ANKRD13C: variants seen among roughly 807,000 people sequenced by gnomAD.
ANKRD13C encodes ankyrin repeat domain-containing protein 13C.
In ANKRD13C, 16 loss-of-function variants were observed where a neutral mutation model predicts 65.5. The ratio of observed to expected loss-of-function variants is 0.24; its 90% CI spans 0.17 to 0.37. ANKRD13C has a LOEUF of 0.37. Ranked by LOEUF, ANKRD13C falls within the 10% of genes least tolerant of loss-of-function variation. ANKRD13C has a pLI of 1.00. For missense variants in ANKRD13C, 503 were observed against 655.9 expected, an observed-to-expected ratio of 0.77 and a Z score of 2.55; for synonymous variants, 235 against 238.7, an observed-to-expected ratio of 0.98 and a Z score of 0.14.
rs78530747 is a variant in ANKRD13C at position 70,260,125 on chromosome 1, T to A, written c.*2592A>T. Among the ~76,000 whole-genome samples, 58 of 152,262 alleles carry A rather than the reference T, an allele frequency of 3.8e-4. 1 individual carries two copies. Among genetic ancestry groups the A allele is most frequent in the East Asian group, 1.9e-3 (10 of 5,182 alleles). On this transcript the variant is annotated 3_prime_UTR_variant, in exon 13 of 13. Transcript: ENST00000370944. Reference sequence around the variant, plus strand: ...CCAGTTCTGAGCAGAAGGAAACAGTTTTTCATCTACTAACATGTATCAGCA... The same window carrying A: ...CCAGTTCTGAGCAGAAGGAAACAGTATTTCATCTACTAACATGTATCAGCA...
chr1:70,264,987 T>A (rs1678550034), intron 12 of ANKRD13C, among the ~76,000 whole-genome samples: 1 of 152,062 alleles, frequency 6.6e-6, no homozygotes, highest in Non-Finnish European at 1.5e-5. Context: ...AAAGGAAGTA[T>A]CTGGTTTAAT....
At chr1:70,321,740 CT>C (rs1681317930) in intron 3 of ANKRD13C, among the ~76,000 whole-genome samples, 1 of 152,178 alleles carries the variant, frequency 6.6e-6, no homozygotes, top group South Asian at 2.1e-4. Flanking sequence ...CAGGTAACCA[CT>C]GTAAGGCAGA....
intron 9 of ANKRD13C, among the ~76,000 whole-genome samples, chr1:70,285,692 G>C (rs1160704538): frequency 2.7e-5 from 4 of 147,714 alleles, no homozygotes; most frequent in African/African-American, 1.0e-4. Context: ...GTAGGGTGGA[G>C]TGATCTCAGC....
In ANKRD13C at chr1:70,262,563, A is replaced by G. The variant is rs535296489; in HGVS notation, c.*154T>C. On this transcript the variant is annotated 3_prime_UTR_variant, in exon 13 of 13. Transcript: ENST00000370944. Reference sequence around the variant, plus strand: ...CAGAAAACTCGCTGAAATTCTTATTAGAGGCCCATTTCACTGTATCGTATT... The same window carrying G: ...CAGAAAACTCGCTGAAATTCTTATTGGAGGCCCATTTCACTGTATCGTATT... 8 of 752,838 alleles carry G rather than the reference A, an allele frequency of 1.1e-5. No individual in the cohort carries two copies. The African/African-American group carries it at 1.2e-4, about 12-fold the overall frequency. The allele number at this position is 752,838 out of a possible 1,614,324, so 46.6% of individuals were successfully genotyped here.
chr1:70,296,342 T>C, intron 7 of ANKRD13C, 81 bp from the exon 8 acceptor site: 1 of 1,364,138 alleles, frequency 7.3e-7, no homozygotes, highest in Non-Finnish European at 1.0e-6. Flanking sequence ...TATCAACAAT[T>C]ATAATGGTAC....
In ANKRD13C at chr1:70,300,757, T is replaced by C; in HGVS notation, c.921+7A>G. The C allele has an allele frequency of 1.9e-6, 3 of 1,590,286 alleles. No homozygotes were observed. Among genetic ancestry groups the C allele is most frequent in the Non-Finnish European group, 2.6e-6 (3 of 1,170,450 alleles). On this transcript the variant is annotated splice_region_variant and intron_variant, in intron 7 of 12. Transcript: ENST00000370944. The stretch of plus-strand genomic sequence containing the variant: ...TTAAAGGAATATTGATAAGACAACA[T>C]GCTCACCTCATGATGTATTCGCTGA...
At chr1:70,325,660 C>T (rs560954206) in intron 2 of ANKRD13C, among the ~76,000 whole-genome samples, 3 of 152,036 alleles carry the variant, frequency 2.0e-5, no homozygotes, top group Admixed American at 1.3e-4. Flanking sequence ...GGGCAGATCA[C>T]GAGGTCAGGA....
chr1:70,292,435 T>A lies in ANKRD13C; in HGVS notation c.1168A>T (p.Met390Leu), dbSNP rs140718555. The A allele has an allele frequency of 6.2e-6, 10 of 1,607,242 alleles. No individual in the cohort carries two copies. The highest frequency in any genetic ancestry group is 8.5e-6 in the Non-Finnish European group (10 of 1,178,346). ...TTTCCACCTTTACTCAAACTCTCCA[T>A]GATGGCCTTATTTCGAAGAATATCC... Reference protein sequence around the residue: ...EEDILRNKAIMESLSKGGNIM... With the variant: ...EEDILRNKAILESLSKGGNIM... Residue 390 changes from methionine to leucine, a missense_variant, in exon 9 of 13, where the codon ATG becomes TTG. Transcript: ENST00000370944.
At chr1:70,353,941 G>A (rs1461617135) in intron 1 of ANKRD13C, 38 bp downstream of exon 1, 2 of 1,481,712 alleles carry the variant, frequency 1.3e-6, no homozygotes, top group East Asian at 2.4e-5. Context: ...CCTAGGCTCG[G>A]GGAAGGAGAG....
chr1:70,291,462 G>A (rs933545385), intron 9 of ANKRD13C, among the ~76,000 whole-genome samples: 1 of 152,198 alleles, frequency 6.6e-6, no homozygotes, highest in Non-Finnish European at 1.5e-5. Context: ...GATTTGAGGA[G>A]CAGTTACCAT....
intron 8 of ANKRD13C, among the ~76,000 whole-genome samples, chr1:70,293,791 T>C (rs1572070689): frequency 6.6e-6 from 1 of 152,228 alleles, no homozygotes; most frequent in African/African-American, 2.4e-5. Context: ...AACCAGGTGG[T>C]AATTATCAGT....
chr1:70,346,703 T>C (rs999929146), intron 1 of ANKRD13C, among the ~76,000 whole-genome samples: 1 of 152,176 alleles, frequency 6.6e-6, no homozygotes, highest in African/African-American at 2.4e-5. Context: ...TTCTATCAGC[T>C]CTATCTTCTT....
At chr1:70,278,461 C>G (rs1679240788) in intron 9 of ANKRD13C, among the ~76,000 whole-genome samples, 1 of 151,892 alleles carries the variant, frequency 6.6e-6, no homozygotes, top group African/African-American at 2.4e-5. Flanking sequence ...CCACTGCACT[C>G]CATGACCCAA....
intron 9 of ANKRD13C, among the ~76,000 whole-genome samples, chr1:70,290,379 T>A (rs976633505): frequency 1.3e-5 from 2 of 152,334 alleles, no homozygotes; most frequent in East Asian, 3.9e-4. Context: ...CTTTGTAGTA[T>A]GTAGTAGCCT....
At chr1:70,274,187 T>C (rs903853225) in intron 11 of ANKRD13C, among the ~76,000 whole-genome samples, 9 of 151,680 alleles carry the variant, frequency 5.9e-5, no homozygotes, top group African/African-American at 2.2e-4. Context: ...TTTAAAAACC[T>C]ACTCGGCTGG....
chr1:70,288,856 T>C (rs925267031), intron 9 of ANKRD13C, among the ~76,000 whole-genome samples: 1 of 152,192 alleles, frequency 6.6e-6, no homozygotes, highest in African/African-American at 2.4e-5. Context: ...GATACTGTTC[T>C]ATACCTTGGT....
chr1:70,304,824 G>A (rs1166906899), intron 6 of ANKRD13C, among the ~76,000 whole-genome samples: 1 of 152,072 alleles, frequency 6.6e-6, no homozygotes, highest in Non-Finnish European at 1.5e-5. Context: ...GCTAACAAAA[G>A]GCTGCTGAAT....
chr1:70,285,648 T>A (rs922997528), intron 9 of ANKRD13C, among the ~76,000 whole-genome samples: 4 of 150,112 alleles, frequency 2.7e-5, no homozygotes, highest in Non-Finnish European at 5.9e-5. Flanking sequence ...TTTTTTTTTT[T>A]GAGACAGAGT....
At chr1:70,315,723 T>C (rs1287519040) in intron 3 of ANKRD13C, among the ~76,000 whole-genome samples, 157 bp from the exon 4 acceptor site, 1 of 152,144 alleles carries the variant, frequency 6.6e-6, no homozygotes, top group Non-Finnish European at 1.5e-5. Context: ...CTACAATATA[T>C]TTTGAAAGGC....
Sources: gnomAD v4.1 joint callset for allele counts (sites outside exome capture counted in the v4.1 genomes callset) on GRCh38, gnomAD v4.1.1 for gene constraint, MANE v1.5 for transcripts, NCBI Gene and HGNC (gene_info 2026-07-23, HGNC 2026-07-21) for gene names.